MTMR10: variants seen among roughly 807,000 people sequenced by gnomAD.
MTMR10 encodes myotubularin related protein 10, also known as myotubularin-related protein 10.
In MTMR10, 56 loss-of-function variants were observed where a neutral mutation model predicts 88.1. The ratio of observed to expected loss-of-function variants is 0.64; its 90% confidence interval spans 0.51 to 0.79. The LOEUF (loss-of-function observed/expected upper bound fraction) is 0.79. Among genes scored for constraint, MTMR10 ranks in the 30% least tolerant of loss-of-function variants. The probability of loss-of-function intolerance (pLI) is 0.00; values close to 1 mark genes in which losing one functional copy is unlikely to be tolerated. For missense variants in MTMR10, 883 were observed against 924.7 expected, an observed-to-expected ratio of 0.95 and a Z score of 0.58; for synonymous variants, 380 against 340.9, an observed-to-expected ratio of 1.11 and a Z score of -1.26.
intron 9 of MTMR10, chr15:30,956,120 T>C (rs2063324642): frequency 6.6e-6 from 1 of 152,238 alleles, no homozygotes; most frequent in Non-Finnish European, 1.5e-5. Flanking sequence ...GCAATCTTTC[T>C]AGGTTTCCTC....
Position 30,959,100 on chromosome 15 carries a change from C to T in MTMR10, c.780G>A (p.Val260=), listed in dbSNP as rs757312470. 4.4e-6 allele frequency: 7 copies of T among 1,604,086 alleles called. No homozygotes were observed. The Admixed American group carries it at 1.2e-4, about 28-fold the overall frequency. The change falls in exon 8 of 16, where the codon GTG becomes GTA. Residue 260 remains valine, a synonymous_variant. Transcript: ENST00000435680. ...ISTCLPEYIV[V]PSSLADQDLK... is the part of the protein sequence containing the mutation. ...GATCTTGGTCTGCTAAAGAACTTGG[C>T]ACTACAATGTATTCTGGAAGGCTGG...
chr15:30,945,330 G>C (rs1302296283), intron 14 of MTMR10, among the ~76,000 whole-genome samples: 5 of 152,152 alleles, frequency 3.3e-5, no homozygotes, highest in Admixed American at 6.5e-5. Flanking sequence ...GAAAGCAGAG[G>C]AAATACTTGT....
chr15:30,956,530 G>A (rs1005409708), intron 9 of MTMR10, among the ~76,000 whole-genome samples: 2 of 152,222 alleles, frequency 1.3e-5, no homozygotes, highest in Non-Finnish European at 2.9e-5. Flanking sequence ...GCAATGTAAA[G>A]ATCTGGGGTG....
intron 3 of MTMR10, among the ~76,000 whole-genome samples, chr15:30,976,298 A>T (rs902591668): frequency 1.3e-5 from 2 of 151,994 alleles, no homozygotes; most frequent in Non-Finnish European, 2.9e-5. Flanking sequence ...GCTACTCAGG[A>T]GGCTGAGGTG....
chr15:30,983,057 T>G (rs935840082), intron 2 of MTMR10, among the ~76,000 whole-genome samples: 1 of 152,210 alleles, frequency 6.6e-6, no homozygotes, highest in African/African-American at 2.4e-5. Context: ...GTTCTGAAGT[T>G]TTCAGGGAGA....
downstream of MTMR10, among the ~76,000 whole-genome samples, chr15:30,937,738 T>C (rs2062901638): frequency 6.6e-6 from 1 of 151,700 alleles, no homozygotes; most frequent in Non-Finnish European, 1.5e-5. Context: ...ATTACAGGCA[T>C]TGAGCCACTG....
At chr15:30,962,968 CTG>C (rs1228732778) in intron 6 of MTMR10, among the ~76,000 whole-genome samples, 2 of 152,172 alleles carry the variant, frequency 1.3e-5, no homozygotes, top group African/African-American at 2.4e-5. Context: ...GATGGTATAA[CTG>C]TATAATATCA....
rs775760026 is a variant in MTMR10, at chr15:30,961,090, C to T, written c.566-17G>A. On this transcript the variant is annotated splice_polypyrimidine_tract_variant and intron_variant, in intron 6 of 15. Coordinates refer to ENST00000435680, the MANE Select transcript of MTMR10 (RefSeq NM_017762.3). ...TTTTGTTTGCTGTAGGAAAAAGCAA[C>T]ATTATGAATTTTAACAGTCACATTT... 28 of 1,537,868 alleles carry T rather than the reference C, an allele frequency of 1.8e-5. No homozygotes were observed. Among genetic ancestry groups the T allele is most frequent in the Non-Finnish European group, 2.3e-5 (26 of 1,141,158 alleles).
chr15:30,952,428 T>G (rs545091671), intron 11 of MTMR10, among the ~76,000 whole-genome samples: 2 of 152,338 alleles, frequency 1.3e-5, no homozygotes, highest in Admixed American at 1.3e-4. Flanking sequence ...TGCAGTGGCA[T>G]ATCACAGCTC....
At chr15:30,950,585 G>A (rs766106303) in intron 12 of MTMR10, among the ~76,000 whole-genome samples, 3 of 151,738 alleles carry the variant, frequency 2.0e-5, no homozygotes, top group Non-Finnish European at 4.4e-5. Context: ...CAGGAGAATC[G>A]CTTGAACCCA....
intron 5 of MTMR10, among the ~76,000 whole-genome samples, chr15:30,971,104 T>C (rs2063533100): frequency 6.6e-6 from 1 of 152,098 alleles, no homozygotes; most frequent in Non-Finnish European, 1.5e-5. Flanking sequence ...TCTTTGCACT[T>C]TTACATACAC....
chr15:30,935,362 G>A (rs2062824331), downstream of MTMR10, among the ~76,000 whole-genome samples: 1 of 152,092 alleles, frequency 6.6e-6, no homozygotes, highest in African/African-American at 2.4e-5. Context: ...AGTTCTGCTA[G>A]TAATGAATTA....
intron 2 of MTMR10, among the ~76,000 whole-genome samples, chr15:30,982,503 GA>G (rs904473035): frequency 9.2e-4 from 139 of 150,640 alleles, no homozygotes; most frequent in Non-Finnish European, 2.5e-4. Context: ...AAAGAAAAAA[GA>G]AAAAAAAAGT....
chr15:30,919,816 GGA>G, the MTMR10 span, among the ~76,000 whole-genome samples: 3 of 152,142 alleles, frequency 2.0e-5, no homozygotes, highest in East Asian at 5.8e-4. Flanking sequence ...CTGAGGACGA[GGA>G]GAGAGAGGAG....
At chr15:30,948,508 G>A (rs2063202273) in intron 12 of MTMR10, 37 bp from the exon 13 acceptor site, 2 of 1,547,838 alleles carry the variant, frequency 1.3e-6, no homozygotes, top group Non-Finnish European at 1.8e-6. Context: ...TTACAACATA[G>A]AAAAATGCTG....
chr15:30,929,911 TAA>T, the MTMR10 span, among the ~76,000 whole-genome samples: 1 of 38,676 alleles, frequency 2.6e-5, no homozygotes, highest in Non-Finnish European at 5.3e-5. Context: ...ATAAAATATA[TAA>T]TATATATCAT....
downstream of MTMR10, among the ~76,000 whole-genome samples, chr15:30,936,229 AG>A (rs2062849651): frequency 6.6e-6 from 1 of 152,182 alleles, no homozygotes; most frequent in Non-Finnish European, 1.5e-5. Flanking sequence ...CCATGAAAGA[AG>A]TGCATAGGGA....
the MTMR10 span, among the ~76,000 whole-genome samples, chr15:30,920,811 G>T: frequency 6.6e-6 from 1 of 152,160 alleles, no homozygotes; most frequent in Non-Finnish European, 1.5e-5. Context: ...TTGAGACAGG[G>T]TCTCACTCCA....
intron 14 of MTMR10, chr15:30,943,713 A>G (rs1309507476): frequency 2.0e-6 from 2 of 985,332 alleles, no homozygotes; most frequent in African/African-American, 1.7e-5. Context: ...GGTGCAGCCT[A>G]GTTATCTGGC....
Sources: allele counts gnomAD v4.1 joint callset (sites outside exome capture counted in the v4.1 genomes callset), GRCh38; gene constraint gnomAD v4.1.1; transcripts MANE v1.5; gene names NCBI Gene and HGNC (gene_info 2026-07-23, HGNC 2026-07-21).